Variants in ZFHX3 observed in about 807,000 individuals in gnomAD.
ZFHX3 encodes the protein zinc finger homeobox protein 3.
Under a neutral mutation model 279.1 loss-of-function variants are expected in ZFHX3, and 42 were observed. The observed-to-expected ratio is 0.15, with a 90% CI of 0.12 to 0.19. The LOEUF is 0.19. ZFHX3 is among the 10% of genes least tolerant of loss of function. ZFHX3 has a pLI of 1.00. For synonymous variants in ZFHX3, 2,293 were observed against 1,957.8 expected, an observed-to-expected ratio of 1.17 and a Z score of -4.52; for missense variants, 4,981 against 4,754.0, an observed-to-expected ratio of 1.05 and a Z score of -1.40.
At chr16:73,786,863 A>C (rs1318372691) in intron 1 of ZFHX3, among the ~76,000 whole-genome samples, 1 of 152,086 alleles carries the variant, frequency 6.6e-6, no homozygotes. Context: ...CCGTACCCAT[A>C]CCCACAGAGG....
At chr16:72,945,299 C>T (rs2144364624) in intron 3 of ZFHX3, among the ~76,000 whole-genome samples, 1 of 152,280 alleles carries the variant, frequency 6.6e-6, no homozygotes, top group Non-Finnish European at 1.5e-5. Flanking sequence ...TAGCACAAGC[C>T]CTGCCCCCCA....
chr16:73,521,589 G>A (rs1000580040), intron 2 of ZFHX3, among the ~76,000 whole-genome samples: 2 of 152,074 alleles, frequency 1.3e-5, no homozygotes, highest in Admixed American at 1.3e-4. Context: ...CTTTTCGCCG[G>A]TGGCTCTCAT....
chr16:73,639,452 G>A (rs1303075323), intron 2 of ZFHX3, among the ~76,000 whole-genome samples: 1 of 152,168 alleles, frequency 6.6e-6, no homozygotes, highest in African/African-American at 2.4e-5. Context: ...AATAGTCATT[G>A]AAGAGATCTT....
chr16:73,859,805 T>C (rs1379578902), intron 1 of ZFHX3, among the ~76,000 whole-genome samples: 1 of 152,184 alleles, frequency 6.6e-6, no homozygotes, highest in Non-Finnish European at 1.5e-5. Flanking sequence ...ATTCACACAA[T>C]GTCAGCAAGA....
intron 2 of ZFHX3, among the ~76,000 whole-genome samples, chr16:73,523,163 A>C (rs825857): frequency 0.62 from 94,720 of 152,032 alleles, 30,243 homozygotes; most frequent in East Asian, 0.99. Context: ...ACATAACACA[A>C]GACTTCTTCT....
intron 2 of ZFHX3, chr16:73,543,885 G>GGGGAGAGAGAGAGAGAGAGAGAGA (rs1555523939): frequency 1.0e-4 from 14 of 136,506 alleles, no homozygotes; most frequent in African/African-American, 3.7e-4. Flanking sequence ...AGCGAGAGAG[G>GGGGAGAGAGAGAGAGAGAGAGAGA]GAGAGAGAGA....
At chr16:73,305,307 G>A (rs2015156352) in intron 4 of ZFHX3, among the ~76,000 whole-genome samples, 1 of 152,100 alleles carries the variant, frequency 6.6e-6, no homozygotes, top group Non-Finnish European at 1.5e-5. Context: ...GAAAGCCCAA[G>A]TTTGGGTCAA....
intron 6 of ZFHX3, among the ~76,000 whole-genome samples, chr16:73,138,905 G>A (rs572131145): frequency 1.2e-4 from 18 of 152,220 alleles, no homozygotes; most frequent in Non-Finnish European, 1.5e-4. Context: ...TGCCCAGCCC[G>A]GTCTCAAACT....
Position 73,247,614 on chromosome 16 carries a change from C to T in ZFHX3, c.-1104+9433G>A, listed in dbSNP as rs964711753. Among the ~76,000 whole-genome samples the T allele has an allele frequency of 5.8e-3, 790 of 137,222 alleles. 2 individuals carry two copies. The highest frequency in any genetic ancestry group is 8.5e-3 in the Non-Finnish European group (548 of 64,430). 90.0% of individuals were successfully genotyped at this position (137,222 alleles called of 152,430 possible). On this transcript the variant is annotated intron_variant, in intron 5 of 17. Transcript: ENST00000641206. ...ATATGATGTGTCTGTGTATATGTAC[C>T]TGTATGTGGAGTGTGTGTGTTCATA...
At chr16:73,088,107 C>A (rs527245632) in intron 8 of ZFHX3, among the ~76,000 whole-genome samples, 1 of 151,932 alleles carries the variant, frequency 6.6e-6, no homozygotes, top group Admixed American at 6.6e-5. Context: ...GGATTATAGG[C>A]GTGAACCACT....
intron 3 of ZFHX3, among the ~76,000 whole-genome samples, chr16:72,941,217 T>C (rs1319431647): frequency 2.0e-5 from 3 of 152,154 alleles, no homozygotes; most frequent in Non-Finnish European, 4.4e-5. Flanking sequence ...CTAGAGAAAA[T>C]TTCAGATTTC....
rs144563370 is a variant in ZFHX3 at position 73,783,697 on chromosome 16, C to T, written c.-1607-103457G>A. Among the ~76,000 whole-genome samples, 251 of 152,324 alleles carry T rather than the reference C, an allele frequency of 1.6e-3. 1 individual carries two copies. Among genetic ancestry groups the T allele is most frequent in the African/African-American group, 5.7e-3 (237 of 41,564 alleles). On this transcript the variant is annotated intron_variant, in intron 1 of 17. Transcript: ENST00000641206. Reference sequence around the variant, plus strand: ...TTATAACCACAGCTAACACTATGTACCAGTCACAGTGGTAAGGACTTTATA... The same window carrying T: ...TTATAACCACAGCTAACACTATGTATCAGTCACAGTGGTAAGGACTTTATA...
At chr16:73,172,931 G>GTTTTTTTTTTTTTTTTTT (rs376709821) in intron 5 of ZFHX3, among the ~76,000 whole-genome samples, 5 of 97,154 alleles carry the variant, frequency 5.1e-5, no homozygotes, top group Non-Finnish European at 5.8e-5. Context: ...GCTGCCTGTG[G>GTTTTTTTTTTTTTTTTTT]TTTTTTTTTT....
At chr16:73,053,274 G>A (rs912756129) in intron 1 of ZFHX3, among the ~76,000 whole-genome samples, 9 of 152,098 alleles carry the variant, frequency 5.9e-5, no homozygotes, top group East Asian at 1.9e-4. Flanking sequence ...ACACCAGAAC[G>A]GCCTTTATAT....
At chr16:73,466,131 A>C (rs1567492497) in intron 2 of ZFHX3, among the ~76,000 whole-genome samples, 1 of 152,114 alleles carries the variant, frequency 6.6e-6, no homozygotes, top group Non-Finnish European at 1.5e-5. Flanking sequence ...ATAGCTCTAC[A>C]AAGCAGGAGG....
intron 2 of ZFHX3, among the ~76,000 whole-genome samples, chr16:73,642,223 T>C (rs1460623261): frequency 6.6e-6 from 1 of 152,228 alleles, no homozygotes; most frequent in Non-Finnish European, 1.5e-5. Context: ...AGACGATTCC[T>C]ACTCTACGAT....
chr16:73,586,780 T>C (rs1433163272), intron 2 of ZFHX3, among the ~76,000 whole-genome samples: 2 of 152,154 alleles, frequency 1.3e-5, no homozygotes, highest in Non-Finnish European at 2.9e-5. Flanking sequence ...ATTGACCTAA[T>C]GGACATATTG....
intron 6 of ZFHX3, among the ~76,000 whole-genome samples, chr16:73,140,420 T>C (rs915886834): frequency 6.6e-6 from 1 of 152,166 alleles, no homozygotes; most frequent in Admixed American, 6.5e-5. Context: ...ATGGCTATCA[T>C]TGGACCTGAT....
intron 5 of ZFHX3, among the ~76,000 whole-genome samples, chr16:73,174,302 CAACAACAAA>C (rs1274242264): frequency 1.8e-3 from 235 of 127,946 alleles, no homozygotes; most frequent in African/African-American, 6.2e-3. Context: ...ACAACAACAA[CAACAACAAA>C]AGGAGGAATA....
Sources: gnomAD v4.1 joint callset for allele counts (sites outside exome capture counted in the v4.1 genomes callset) on GRCh38, gnomAD v4.1.1 for gene constraint, MANE v1.5 for transcripts, NCBI Gene and HGNC (gene_info 2026-07-23, HGNC 2026-07-21) for gene names.